Variants in THOC5 observed in about 807,000 individuals in gnomAD.
THOC5 encodes Fms-interacting protein.
In THOC5, 43 loss-of-function variants were observed where a neutral mutation model predicts 92.9. The ratio of observed to expected loss-of-function variants is 0.46; its 90% CI spans 0.36 to 0.60. The LOEUF is 0.60. Ranked by LOEUF, THOC5 falls within the 20% of genes least tolerant of loss-of-function variation. The pLI is 0.00. For missense variants in THOC5, 659 were observed against 849.4 expected (o/e 0.78, Z 2.79); for synonymous variants, 296 against 320.1 (o/e 0.92, Z 0.80).
At chr22:29,520,533 GC>G (rs2063420185) in intron 13 of THOC5, among the ~76,000 whole-genome samples, 1 of 151,608 alleles carries the variant, frequency 6.6e-6, no homozygotes, top group Non-Finnish European at 1.5e-5. Flanking sequence ...TGGCTCTGTT[GC>G]CCCCAGGCTG....
At position 29,544,415 on chromosome 22, in the gene THOC5, T is replaced by A. The variant is rs199572685; in HGVS notation, c.240+45A>T. ...TGGTAGGTGCAAAAACAGCCTCATC[T>A]ATGTAAACCCACCAGGTTCACGGCC... is the stretch of plus-strand genomic sequence containing the variant. On this transcript the variant is annotated intron_variant, in intron 3 of 19. Transcript: ENST00000490103. 3 of 1,589,002 alleles carry A rather than the reference T, an allele frequency of 1.9e-6. No individual in the cohort carries two copies. The East Asian group carries it at 6.8e-5, about 36-fold the overall frequency.
intron 18 of THOC5, chr22:29,511,530 G>A (rs1367900367): frequency 1.5e-5 from 8 of 530,628 alleles, no homozygotes; most frequent in Non-Finnish European, 2.7e-5. Context: ...CCCACAGCCA[G>A]GAAAACAGAG....
intron 11 of THOC5, 42 bp from the exon 12 acceptor site, chr22:29,525,988 T>C: frequency 1.7e-6 from 2 of 1,153,294 alleles, no homozygotes; most frequent in Admixed American, 1.9e-5. Context: ...GTCAAAACAC[T>C]CAGAGCAGAG....
chr22:29,528,520 A>G (rs575786812), intron 9 of THOC5, 54 bp from the exon 10 acceptor site: 1 of 1,592,320 alleles, frequency 6.3e-7, no homozygotes, highest in South Asian at 1.1e-5. Flanking sequence ...AATGCTCCCT[A>G]AAGCACTCCA....
intron 2 of THOC5, among the ~76,000 whole-genome samples, chr22:29,545,805 C>T (rs979064758): frequency 6.6e-6 from 1 of 152,198 alleles, no homozygotes; most frequent in Non-Finnish European, 1.5e-5. Flanking sequence ...TTTTCAGGTG[C>T]ATGGTGCAAG....
In THOC5 at chr22:29,525,834, A is replaced by G. The variant is rs1371558069; in HGVS notation, c.1175+4T>C. Reference sequence around the variant, plus strand: ...CGTCATTGCCCAGAGCGCCTGCTCAATACCCTGCACTGATGGGGGTGATCA... The same window carrying G: ...CGTCATTGCCCAGAGCGCCTGCTCAGTACCCTGCACTGATGGGGGTGATCA... On this transcript the variant is annotated splice_donor_region_variant and intron_variant, in intron 12 of 19. Coordinates refer to ENST00000490103, the MANE Select transcript of THOC5 (RefSeq NM_003678.5). 6.2e-7 allele frequency: 1 copy of G among 1,612,830 alleles called. No individual in the cohort carries two copies.
At position 29,508,663 on chromosome 22, in the gene THOC5, C is replaced by T; in HGVS notation, c.1989-143G>A. The T allele has an allele frequency of 4.1e-6, 3 of 736,538 alleles. No individual in the cohort carries two copies. In the South Asian group the frequency reaches 5.2e-5, roughly 13 times the overall value. The allele number at this position is 736,538 out of a possible 1,614,324, so 45.6% of individuals were successfully genotyped here. On this transcript the variant is annotated intron_variant, in intron 19 of 19. Transcript: ENST00000490103. ...TTGAGAAAAGCATACGGCAGAACAA[C>T]ATATAAGGTGCGATACTATTTTTGT...
chr22:29,533,183 A>G (rs1428461361), intron 7 of THOC5, among the ~76,000 whole-genome samples: 2 of 152,222 alleles, frequency 1.3e-5, no homozygotes, highest in Non-Finnish European at 2.9e-5. Flanking sequence ...AAAACAGACA[A>G]CCTGATTCTG....
intron 19 of THOC5, among the ~76,000 whole-genome samples, chr22:29,510,281 A>G (rs1048217874): frequency 4.6e-5 from 7 of 152,180 alleles, no homozygotes; most frequent in African/African-American, 1.7e-4. Context: ...GCTAGAAGGT[A>G]TTACTTTCAC....
At chr22:29,542,015 T>C (rs927153673) in intron 5 of THOC5, among the ~76,000 whole-genome samples, 1 of 149,904 alleles carries the variant, frequency 6.7e-6, no homozygotes, top group Non-Finnish European at 1.5e-5. Flanking sequence ...TCTGATCAAG[T>C]GAGAACACTT....
At chr22:29,537,214 T>C (rs1203356958) in intron 6 of THOC5, among the ~76,000 whole-genome samples, 2 of 152,152 alleles carry the variant, frequency 1.3e-5, no homozygotes, top group Non-Finnish European at 2.9e-5. Context: ...TAGCACAGGG[T>C]GGGAACAGAT....
intron 5 of THOC5, among the ~76,000 whole-genome samples, chr22:29,541,891 AAAATATATATAT>A (rs1183187503): frequency 0.018 from 1,126 of 63,384 alleles, 47 homozygotes; most frequent in East Asian, 0.14. Context: ...AAAAAAAAAA[AAAATATATATAT>A]ATATATATAT....
intron 1 of THOC5, among the ~76,000 whole-genome samples, chr22:29,550,249 T>C (rs9625826): frequency 0.044 from 6,718 of 152,150 alleles, 210 homozygotes; most frequent in Admixed American, 0.11. Flanking sequence ...TTGCAAGTAA[T>C]TGCGAGTCAC....
At chr22:29,508,638 T>C in intron 19 of THOC5, 118 bp from the exon 20 acceptor site, 1 of 915,784 alleles carries the variant, frequency 1.1e-6, no homozygotes. Context: ...CAGAATGTTG[T>C]TGAGAAAAGC....
chr22:29,527,566 C>T (rs1260974008), intron 11 of THOC5, among the ~76,000 whole-genome samples: 2 of 152,128 alleles, frequency 1.3e-5, no homozygotes, highest in Non-Finnish European at 2.9e-5. Context: ...CTAAAAAATA[C>T]ATAAGAAGTC....
rs57982377 is a variant in THOC5 at position 29,516,147 on chromosome 22, G to GAA, written c.1681+880_1681+881dup. ...GACAAAGCAAGACCTTATCTCTACT[G>GAA]AAAAAAAAAAAAAAAAGGGTGTAGC... On this transcript the variant is annotated intron_variant, in intron 17 of 19. Transcript: ENST00000490103. 9.4e-3 allele frequency among the ~76,000 whole-genome samples: 1,144 copies of GAA among 122,004 alleles called. 11 individuals carry two copies. The highest frequency in any genetic ancestry group is 0.012 in the Non-Finnish European group (696 of 59,814). The allele number at this position is 122,004 out of a possible 152,430, so 80.0% of individuals were successfully genotyped here. A position where few individuals can be genotyped will look rare whatever the true frequency, so the allele number is the denominator to read the frequency against.
intron 17 of THOC5, 32 bp from the exon 18 acceptor site, chr22:29,512,168 G>C: frequency 1.9e-6 from 3 of 1,580,280 alleles, no homozygotes; most frequent in Non-Finnish European, 2.6e-6. Context: ...GAAATGCGCA[G>C]TTCTAAGACT....
At chr22:29,541,068 T>G (rs902936907) in intron 5 of THOC5, among the ~76,000 whole-genome samples, 1 of 151,714 alleles carries the variant, frequency 6.6e-6, no homozygotes, top group African/African-American at 2.4e-5. Context: ...AATACGAAAA[T>G]TAGCTGGGTG....
At chr22:29,534,051 A>G (rs2063706409) in intron 7 of THOC5, among the ~76,000 whole-genome samples, 2 of 152,248 alleles carry the variant, frequency 1.3e-5, no homozygotes, top group Non-Finnish European at 2.9e-5. Flanking sequence ...TGCTCATAGC[A>G]GCATTATTGA....
Sources: gnomAD v4.1 joint callset for allele counts (sites outside exome capture counted in the v4.1 genomes callset) on GRCh38, gnomAD v4.1.1 for gene constraint, MANE v1.5 for transcripts, NCBI Gene and HGNC (gene_info 2026-07-23, HGNC 2026-07-21) for gene names.